CPS1: variants seen among roughly 807,000 people sequenced by gnomAD.
The protein encoded by CPS1 is carbamoyl-phosphate synthase [ammonia], mitochondrial.
A neutral mutation model predicts 174.6 loss-of-function variants in CPS1; 109 were observed. The observed-to-expected ratio is 0.62, with a 90% confidence interval of 0.53 to 0.73. The LOEUF is 0.73. Ranked by LOEUF, CPS1 falls within the 30% of genes least tolerant of loss-of-function variation. CPS1 has a pLI of 0.00. For synonymous variants in CPS1, 637 were observed against 632.0 expected (o/e 1.01, Z -0.12); for missense variants, 1,689 against 1,821.9 (o/e 0.93, Z 1.33).
At chr2:210,504,669 G>A (rs1695231669) in intron 1 of CPS1, among the ~76,000 whole-genome samples, 1 of 152,202 alleles carries the variant, frequency 6.6e-6, no homozygotes, top group South Asian at 2.1e-4. Context: ...TCTCCAATTG[G>A]ATAGTTGTTA....
intron 33 of CPS1, among the ~76,000 whole-genome samples, chr2:210,667,037 C>T (rs1342632601): frequency 1.3e-5 from 2 of 152,138 alleles, no homozygotes; most frequent in Non-Finnish European, 2.9e-5. Flanking sequence ...TGAAGAGGTC[C>T]TTCATGTCCC....
intron 29 of CPS1, among the ~76,000 whole-genome samples, chr2:210,654,315 C>T (rs1397384473): frequency 6.6e-6 from 1 of 152,124 alleles, no homozygotes; most frequent in Non-Finnish European, 1.5e-5. Context: ...TAGAATTTCT[C>T]TGATGATATT....
At chr2:210,608,659 A>G in intron 19 of CPS1, 100 bp downstream of exon 19, 1 of 1,118,752 alleles carries the variant, frequency 8.9e-7, no homozygotes, top group South Asian at 1.3e-5. Context: ...TACCATCAAC[A>G]CATGGACAGT....
chr2:210,612,363 T>G, intron 20 of CPS1, 70 bp downstream of exon 20: 2 of 1,558,020 alleles, frequency 1.3e-6, no homozygotes, highest in Non-Finnish European at 8.8e-7. Flanking sequence ...GACATTAAAA[T>G]AAAACTGAAT....
intron 31 of CPS1, among the ~76,000 whole-genome samples, chr2:210,660,058 A>C (rs1258349146): frequency 6.6e-6 from 1 of 152,180 alleles, no homozygotes; most frequent in African/African-American, 2.4e-5. Context: ...TTTACTGAGT[A>C]AAATGGGTGA....
Position 210,654,122 on chromosome 2 carries a change from C to G in CPS1, c.3558+20C>G, listed in dbSNP as rs201549014. On this transcript the variant is annotated intron_variant, in intron 29 of 37. Transcript: ENST00000233072. ...GGAAGGGTAAGTGCTTTATTCTCATCTCCTTCATTCCTGCCTTCTCATCAT... is the reference window on the plus strand; with the variant it reads ...GGAAGGGTAAGTGCTTTATTCTCATGTCCTTCATTCCTGCCTTCTCATCAT... 3.1e-6 allele frequency: 5 copies of G among 1,598,756 alleles called. No homozygotes were observed. The highest frequency in any genetic ancestry group is 3.3e-4 in the Middle Eastern group (2 of 6,020).
rs1402403976 is a variant in CPS1 at position 210,595,568 on chromosome 2, G to A, written c.1345G>A (p.Val449Ile). ...GEFDYSGSQA[V>I]KAMKEENVKT... ...ATTTGATTACTCAGGATCTCAAGCTGTAAAAGCCATGAAGGTGAGAGAATA... is the reference window on the plus strand; with the variant it reads ...ATTTGATTACTCAGGATCTCAAGCTATAAAAGCCATGAAGGTGAGAGAATA... The change falls in exon 13 of 38, where the codon GTA becomes ATA. Residue 449 changes from valine (V) to isoleucine (I), a missense_variant. Transcript: ENST00000233072. 6.2e-7 allele frequency: 1 copy of A among 1,609,666 alleles called. No individual in the cohort carries two copies. The highest frequency in any genetic ancestry group is 1.7e-5 in the Admixed American group (1 of 59,826).
At chr2:210,539,501 C>T (rs767425085) in intron 1 of CPS1, among the ~76,000 whole-genome samples, 1 of 152,128 alleles carries the variant, frequency 6.6e-6, no homozygotes, top group African/African-American at 2.4e-5. Flanking sequence ...TCCAGTAATG[C>T]AGTCCAATAC....
At chr2:210,645,862 T>A (rs1700362365) in intron 25 of CPS1, among the ~76,000 whole-genome samples, 1 of 152,188 alleles carries the variant, frequency 6.6e-6, no homozygotes, top group African/African-American at 2.4e-5. Flanking sequence ...GGGACAGTAA[T>A]AATCACCTCA....
Position 210,599,385 on chromosome 2 carries a change from A to G in CPS1, c.1373A>G (p.Lys458Arg). Residue 458 changes from lysine to arginine, a missense_variant, in exon 14 of 38, where the codon AAA (lysine) becomes AGA (arginine). Lys to Arg is a conservative substitution (Grantham distance 26). Transcript: ENST00000233072. ...AVKAMKEENVKTVLMNPNIAS... is the reference protein window; with the variant it reads ...AVKAMKEENVRTVLMNPNIAS... Reference sequence around the variant, plus strand: ...TGTTTCTTTCAGGAAGAAAATGTCAAAACTGTTCTGATGAACCCAAACATT... The same window carrying G: ...TGTTTCTTTCAGGAAGAAAATGTCAGAACTGTTCTGATGAACCCAAACATT... 1.9e-6 allele frequency: 3 copies of G among 1,612,296 alleles called. No individual in the cohort carries two copies. Among genetic ancestry groups the G allele is most frequent in the Non-Finnish European group, 2.5e-6 (3 of 1,178,886 alleles).
intron 1 of CPS1, among the ~76,000 whole-genome samples, chr2:210,542,289 C>T (rs976976765): frequency 6.6e-6 from 1 of 152,058 alleles, no homozygotes; most frequent in Non-Finnish European, 1.5e-5. Flanking sequence ...TTCATGGTCA[C>T]GGATCTCAAA....
chr2:210,536,406 C>T (rs1046965763), intron 1 of CPS1, among the ~76,000 whole-genome samples: 1 of 150,782 alleles, frequency 6.6e-6, no homozygotes, highest in East Asian at 1.9e-4. Flanking sequence ...CTGCAAGCTC[C>T]GCCTCCCGGG....
intron 21 of CPS1, among the ~76,000 whole-genome samples, chr2:210,633,343 C>T (rs1387271463): frequency 6.6e-6 from 1 of 152,022 alleles, no homozygotes; most frequent in Non-Finnish European, 1.5e-5. Context: ...TCTTATCAAT[C>T]AACCTTTTTC....
chr2:210,492,494 G>A (rs759688), intron 1 of CPS1, among the ~76,000 whole-genome samples: 129,142 of 152,156 alleles, frequency 0.85, 55,504 homozygotes, highest in Middle Eastern at 0.94. Flanking sequence ...GTATACATAG[G>A]TAGTATCTGC....
chr2:210,546,661 G>T (rs1696572877), intron 1 of CPS1, among the ~76,000 whole-genome samples: 1 of 151,962 alleles, frequency 6.6e-6, no homozygotes. Flanking sequence ...TAAGTGATTT[G>T]CAGTCTATTT....
In CPS1 at chr2:210,631,758, C is replaced by T. The variant is rs550200936; in HGVS notation, c.2688-5944C>T. On this transcript the variant is annotated intron_variant, in intron 21 of 37. Transcript: ENST00000233072. ...ACTCTCAAAGCAAGGCAAACTGGCA[C>T]GGGAAAGAATAGTTGTATATATAAT... 2.6e-3 allele frequency among the ~76,000 whole-genome samples: 401 copies of T among 152,124 alleles called. 2 individuals are homozygous for T. The highest frequency in any genetic ancestry group is 9.1e-3 in the African/African-American group (378 of 41,518).
chr2:210,536,912 G>A (rs372592693), intron 1 of CPS1, among the ~76,000 whole-genome samples: 21 of 152,282 alleles, frequency 1.4e-4, no homozygotes, highest in Non-Finnish European at 2.1e-4. Context: ...AACATGAAAA[G>A]AAAGAAGCCT....
chr2:210,595,683 G>A (rs1698460050), intron 13 of CPS1, 101 bp downstream of exon 13: 4 of 843,028 alleles, frequency 4.7e-6, no homozygotes, highest in South Asian at 4.4e-5. Context: ...TTTCAAAGTT[G>A]CTATAATTAT....
chr2:210,518,794 C>T (rs141976592), intron 1 of CPS1, among the ~76,000 whole-genome samples: 156 of 152,082 alleles, frequency 1.0e-3, no homozygotes, highest in African/African-American at 3.6e-3. Context: ...CTGACAATTA[C>T]GTGTTTCCTA....
Sources: allele counts gnomAD v4.1 joint callset (sites outside exome capture counted in the v4.1 genomes callset), GRCh38; gene constraint gnomAD v4.1.1; transcripts MANE v1.5; gene names NCBI Gene and HGNC (gene_info 2026-07-23, HGNC 2026-07-21).